ATPAF2: variants seen among roughly 807,000 people sequenced by gnomAD.
ATPAF2 encodes ATP12 homolog.
A neutral mutation model predicts 36.6 loss-of-function variants in ATPAF2; 30 were observed. The ratio of observed to expected loss-of-function variants is 0.82; its 90% CI spans 0.61 to 1.11. ATPAF2 has a LOEUF of 1.11. Ranked by LOEUF, ATPAF2 falls within the 50% of genes most tolerant of loss-of-function variation. The pLI is 0.00. For missense variants in ATPAF2, 321 were observed against 372.3 expected, an observed-to-expected ratio of 0.86 and a Z score of 1.13; for synonymous variants, 140 against 152.6, an observed-to-expected ratio of 0.92 and a Z score of 0.61.
rs374343087 is a variant in ATPAF2, at chr17:18,028,464, G to A, written c.179-87C>T. ...ATATTTAGCCACTTGAATTGGTGCA[G>A]ACAAAGCCAACTCTGAGTCCCTTAC... On this transcript the variant is annotated intron_variant, in intron 2 of 7. Transcript: ENST00000474627. 2.5e-5 allele frequency: 39 copies of A among 1,574,726 alleles called. No individual in the cohort carries two copies. The East Asian group carries it at 3.4e-4, about 14-fold the overall frequency.
chr17:18,029,587 AT>A lies in ATPAF2; in HGVS notation c.134-929del, dbSNP rs374107094. On this transcript the variant is annotated intron_variant, in intron 1 of 7. Coordinates refer to ENST00000474627, the MANE Select transcript of ATPAF2 (RefSeq NM_145691.4). Reference sequence around the variant, plus strand: ...AGTAAATCATTTGCTTTATTTATTTATTTTATTATTATTTTTTTTTTGAAAT... The same window carrying A: ...AGTAAATCATTTGCTTTATTTATTTATTTATTATTATTTTTTTTTTGAAAT... Among the ~76,000 whole-genome samples the A allele has an allele frequency of 6.6e-4, 100 of 151,870 alleles. 2 individuals are homozygous for A. In the East Asian group the frequency reaches 0.01, roughly 16 times the overall value.
At chr17:18,034,360 G>A (rs192986191) in intron 1 of ATPAF2, among the ~76,000 whole-genome samples, 1 of 152,220 alleles carries the variant, frequency 6.6e-6, no homozygotes, top group African/African-American at 2.4e-5. Context: ...AGCTGTAACT[G>A]AGCCACTTGC....
At chr17:18,033,405 G>C (rs1299697064) in intron 1 of ATPAF2, among the ~76,000 whole-genome samples, 2 of 151,382 alleles carry the variant, frequency 1.3e-5, no homozygotes, top group Non-Finnish European at 2.9e-5. Flanking sequence ...AATTCGTTTG[G>C]GGGATCCATG....
intron 3 of ATPAF2, among the ~76,000 whole-genome samples, chr17:18,027,233 A>G (rs2044560797): frequency 1.3e-5 from 2 of 150,978 alleles, no homozygotes; most frequent in South Asian, 4.2e-4. Context: ...AAAAAAAAAG[A>G]TCTTTTTTTT....
At chr17:18,031,814 G>T (rs1040671178) in intron 1 of ATPAF2, among the ~76,000 whole-genome samples, 8 of 152,166 alleles carry the variant, frequency 5.3e-5, no homozygotes, top group Non-Finnish European at 7.4e-5. Flanking sequence ...TTTAGGATCA[G>T]ATCTGTCCAC....
chr17:18,034,711 G>A (rs1567579504), intron 1 of ATPAF2, among the ~76,000 whole-genome samples: 1 of 151,654 alleles, frequency 6.6e-6, no homozygotes, highest in Non-Finnish European at 1.5e-5. Flanking sequence ...ATTTGACCCA[G>A]TAATTCTACT....
At chr17:18,025,186 C>T (rs1004720619) in intron 4 of ATPAF2, 1 of 265,764 alleles carries the variant, frequency 3.8e-6, no homozygotes, top group African/African-American at 2.2e-5. Flanking sequence ...CCCTCACCCC[C>T]TCCAAGAGAC....
At chr17:18,021,348 C>T (rs914346961) in intron 6 of ATPAF2, 110 bp from the exon 7 acceptor site, 14 of 832,674 alleles carry the variant, frequency 1.7e-5, no homozygotes, top group Non-Finnish European at 2.2e-5. Flanking sequence ...GTGCAAAGAG[C>T]CATCCAGCGA....
At chr17:18,032,591 G>A (rs1331445032) in intron 1 of ATPAF2, among the ~76,000 whole-genome samples, 4 of 152,206 alleles carry the variant, frequency 2.6e-5, no homozygotes, top group South Asian at 2.1e-4. Flanking sequence ...AGGGGCAAAC[G>A]TGTCTTGGAA....
intron 1 of ATPAF2, among the ~76,000 whole-genome samples, chr17:18,037,647 A>G (rs535623525): frequency 1.3e-4 from 20 of 152,326 alleles, no homozygotes; most frequent in African/African-American, 4.8e-4. Flanking sequence ...AAGATCCTCA[A>G]AGGCAACCTA....
chr17:18,026,617 A>T, intron 3 of ATPAF2: 1 of 614,966 alleles, frequency 1.6e-6, no homozygotes. Context: ...CTTTGTGTTG[A>T]CGCTCACAGG....
chr17:18,016,471 AT>A, downstream of ATPAF2: 1 of 1,009,662 alleles, frequency 9.9e-7, no homozygotes, highest in Non-Finnish European at 1.5e-6. Context: ...TAAAGGAACT[AT>A]TTTCCCCTTC....
chr17:18,019,420 C>A (rs2044436366), intron 7 of ATPAF2, among the ~76,000 whole-genome samples: 1 of 152,246 alleles, frequency 6.6e-6, no homozygotes, highest in South Asian at 2.1e-4. Flanking sequence ...CTCCAAGTTG[C>A]CTTGCCATGC....
intron 6 of ATPAF2, 100 bp downstream of exon 6, chr17:18,021,645 G>T: frequency 9.7e-7 from 1 of 1,027,674 alleles, no homozygotes; most frequent in Non-Finnish European, 1.5e-6. Context: ...AACACTCTGT[G>T]CCTCTCCACT....
intron 1 of ATPAF2, among the ~76,000 whole-genome samples, chr17:18,037,056 T>C (rs919442774): frequency 3.3e-5 from 5 of 152,054 alleles, no homozygotes; most frequent in African/African-American, 1.2e-4. Context: ...GGGTGACAAG[T>C]GTAAAACTCC....
rs1474424373 is a variant in ATPAF2, at chr17:18,026,259, T to G, written c.422+60A>C. 12 of 1,460,584 alleles carry G rather than the reference T, an allele frequency of 8.2e-6. No individual in the cohort carries two copies. In the East Asian group the frequency reaches 2.7e-4, roughly 33 times the overall value. The allele number at this position is 1,460,584 out of a possible 1,614,324, so 90.5% of individuals were successfully genotyped here. A position where few individuals can be genotyped will look rare whatever the true frequency, so the allele number is the denominator to read the frequency against. On this transcript the variant is annotated intron_variant, in intron 4 of 7. Coordinates refer to ENST00000474627, the MANE Select transcript of ATPAF2 (RefSeq NM_145691.4). Reference sequence around the variant, plus strand: ...GTTTCTTCTTCCACTGATAACCATCTGGGCAAATCAGGAAAAATAGCCTCA... The same window carrying G: ...GTTTCTTCTTCCACTGATAACCATCGGGGCAAATCAGGAAAAATAGCCTCA...
chr17:18,028,584 AAAAG>A (rs1252694015), intron 2 of ATPAF2, 27 bp downstream of exon 2: 8 of 1,605,738 alleles, frequency 5.0e-6, no homozygotes, highest in African/African-American at 4.0e-5. Flanking sequence ...AAAAAAAAAA[AAAAG>A]AGGCAGTCAA....
chr17:18,021,659 AG>A (rs757710608), intron 6 of ATPAF2, 85 bp downstream of exon 6: 34 of 1,186,678 alleles, frequency 2.9e-5, no homozygotes, highest in Non-Finnish European at 4.2e-5. Flanking sequence ...CTCCACTCAC[AG>A]GACCTGGGGA....
intron 4 of ATPAF2, among the ~76,000 whole-genome samples, chr17:18,025,834 CG>C (rs1441024156): frequency 6.6e-6 from 1 of 152,156 alleles, no homozygotes; most frequent in Admixed American, 6.5e-5. Flanking sequence ...CTAGCAGGCA[CG>C]GTGCTGCTCA....
Sources: allele counts gnomAD v4.1 joint callset (sites outside exome capture counted in the v4.1 genomes callset), GRCh38; gene constraint gnomAD v4.1.1; transcripts MANE v1.5; gene names NCBI Gene and HGNC (gene_info 2026-07-23, HGNC 2026-07-21).